The following PARVA variants were observed in gnomAD, a reference collection of about 807,000 sequenced individuals.
The protein encoded by PARVA is parvin alpha, also known as alpha-parvin.
Under a neutral mutation model 52.6 loss-of-function variants are expected in PARVA, and 25 were observed. The ratio of observed to expected loss-of-function variants is 0.48; its 90% CI spans 0.35 to 0.66. The LOEUF is 0.66. Ranked by LOEUF, PARVA falls within the 30% of genes least tolerant of loss-of-function variation. PARVA has a pLI of 0.01. For synonymous variants in PARVA, 185 were observed against 179.1 expected, an observed-to-expected ratio of 1.03 and a Z score of -0.26; for missense variants, 373 against 450.9, an observed-to-expected ratio of 0.83 and a Z score of 1.56.
intron 1 of PARVA, among the ~76,000 whole-genome samples, chr11:12,446,440 T>C (rs1056730555): frequency 6.6e-6 from 1 of 152,144 alleles, no homozygotes; most frequent in Admixed American, 6.5e-5. Context: ...TGTGATGATA[T>C]GCAAAAAAGA....
chr11:12,529,676 C>T lies in PARVA; in HGVS notation c.*1751C>T, dbSNP rs1941747695. The stretch of plus-strand genomic sequence containing the variant: ...TAATGTCCAAAACATTCCTTTCAGC[C>T]TTTTTATTTCTTACTGTACTGTCTC... On this transcript the variant is annotated 3_prime_UTR_variant, in exon 13 of 13. Transcript: ENST00000334956. 1 of 152,158 alleles carries T rather than the reference C, an allele frequency of 6.6e-6. No homozygotes were observed. Among genetic ancestry groups the T allele is most frequent in the Non-Finnish European group, 1.5e-5 (1 of 68,018 alleles). The allele number at this position is 152,158 out of a possible 1,614,324, so 9.4% of individuals were successfully genotyped here. A position where few individuals can be genotyped will look rare whatever the true frequency, so the allele number is the denominator to read the frequency against.
At chr11:12,388,218 C>T (rs931703549) in intron 1 of PARVA, among the ~76,000 whole-genome samples, 4 of 152,358 alleles carry the variant, frequency 2.6e-5, no homozygotes, top group African/African-American at 9.6e-5. Context: ...CAGTTAATTG[C>T]AGCTGCTTAA....
intron 12 of PARVA, among the ~76,000 whole-genome samples, chr11:12,526,387 C>G (rs1217310469): frequency 6.6e-6 from 1 of 152,138 alleles, no homozygotes; most frequent in Non-Finnish European, 1.5e-5. Flanking sequence ...TGTAATTTCT[C>G]CCATCTTTGA....
intron 1 of PARVA, among the ~76,000 whole-genome samples, chr11:12,465,611 A>G (rs769953273): frequency 6.6e-6 from 1 of 152,188 alleles, no homozygotes; most frequent in Non-Finnish European, 1.5e-5. Context: ...TATAATTAGA[A>G]TTGTATAGCA....
chr11:12,474,297 A>G lies in PARVA; in HGVS notation c.297+314A>G, dbSNP rs545833622. Among the ~76,000 whole-genome samples, 164 of 152,252 alleles carry G rather than the reference A, an allele frequency of 1.1e-3. 1 individual carries two copies. Among genetic ancestry groups the G allele is most frequent in the African/African-American group, 3.6e-3 (151 of 41,542 alleles). Reference sequence around the variant, plus strand: ...TTCTCAAGGACCCTCAAAAGCAGGCAGTGGAGCAGTAATTAGTCTCATCCC... The same window carrying G: ...TTCTCAAGGACCCTCAAAAGCAGGCGGTGGAGCAGTAATTAGTCTCATCCC... On this transcript the variant is annotated intron_variant, in intron 3 of 12. Transcript: ENST00000334956.
chr11:12,488,716 CA>C (rs1259775219), intron 4 of PARVA, among the ~76,000 whole-genome samples: 1 of 152,168 alleles, frequency 6.6e-6, no homozygotes, highest in African/African-American at 2.4e-5. Flanking sequence ...AACTCCTCAT[CA>C]AAAGTCTATA....
intron 4 of PARVA, among the ~76,000 whole-genome samples, chr11:12,484,808 CTTTTTTTTTTT>C (rs1177057401): frequency 9.7e-6 from 1 of 102,638 alleles, no homozygotes; most frequent in Non-Finnish European, 2.0e-5. Context: ...TTTTTGTTGA[CTTTTTTTTTTT>C]TTTTTTTTTT....
intron 1 of PARVA, among the ~76,000 whole-genome samples, chr11:12,421,151 T>C (rs1481979876): frequency 6.6e-6 from 1 of 151,858 alleles, no homozygotes; most frequent in East Asian, 1.9e-4. Flanking sequence ...GGTGGTGGGC[T>C]GGTAAGAGGG....
chr11:12,481,101 C>T (rs1941080585), intron 4 of PARVA, among the ~76,000 whole-genome samples: 1 of 152,012 alleles, frequency 6.6e-6, no homozygotes, highest in South Asian at 2.1e-4. Flanking sequence ...GGGAGAGATA[C>T]TTTGAGACCA....
chr11:12,477,804 CTCTTT>C lies in PARVA; in HGVS notation c.298-38_298-34del, dbSNP rs530699158. On this transcript the variant is annotated intron_variant, in intron 3 of 12. Coordinates refer to ENST00000334956, the MANE Select transcript of PARVA (RefSeq NM_018222.5). ...TGGTCTGTAAGAAAATACCCCATAACTCTTTTCTTACTATTGCACATTCCCTTTCT... is the reference window on the plus strand; with the variant it reads ...TGGTCTGTAAGAAAATACCCCATAACTCTTACTATTGCACATTCCCTTTCT... The C allele has an allele frequency of 2.2e-3, 2,251 of 1,022,914 alleles. 7 individuals carry two copies. The highest frequency in any genetic ancestry group is 3.1e-3 in the Non-Finnish European group (1,984 of 642,336). 63.4% of individuals were successfully genotyped at this position (1,022,914 alleles called of 1,614,324 possible). A position where few individuals can be genotyped will look rare whatever the true frequency, so the allele number is the denominator to read the frequency against.
chr11:12,394,414 A>G (rs1939705119), intron 1 of PARVA, among the ~76,000 whole-genome samples: 1 of 152,234 alleles, frequency 6.6e-6, no homozygotes, highest in Non-Finnish European at 1.5e-5. Context: ...TGATGATATT[A>G]AGGAATCATT....
intron 12 of PARVA, among the ~76,000 whole-genome samples, chr11:12,525,308 G>A (rs1050153538): frequency 1.3e-5 from 2 of 152,202 alleles, no homozygotes; most frequent in Non-Finnish European, 2.9e-5. Flanking sequence ...TGCCCTGGAA[G>A]TGTGAATGAT....
chr11:12,503,733 C>CAA (rs149797718), intron 5 of PARVA, among the ~76,000 whole-genome samples: 4,968 of 150,128 alleles, frequency 0.033, 178 homozygotes, highest in East Asian at 0.12. Context: ...GACCCTGCTT[C>CAA]AAAAAAAAAG....
chr11:12,484,773 A>G (rs1175675094), intron 4 of PARVA, among the ~76,000 whole-genome samples: 3 of 151,120 alleles, frequency 2.0e-5, no homozygotes, highest in African/African-American at 7.3e-5. Flanking sequence ...AGGTTTCAGG[A>G]AAGAGGGGGT....
Position 12,380,174 on chromosome 11 carries a change from G to A in PARVA, c.136+2391G>A, listed in dbSNP as rs777092996. Among the ~76,000 whole-genome samples the A allele has an allele frequency of 1.9e-4, 29 of 151,400 alleles. 1 individual carries two copies. Among genetic ancestry groups the A allele is most frequent in the South Asian group, 4.2e-4 (2 of 4,818 alleles). ...TCCTGTCTCTTTAGTTTCAGACAGG[G>A]TCCCTGCAGGAAAAAGAAGGCCAAT... On this transcript the variant is annotated intron_variant, in intron 1 of 12. Transcript: ENST00000334956.
chr11:12,459,537 C>T (rs774976393), intron 1 of PARVA, among the ~76,000 whole-genome samples: 26 of 152,280 alleles, frequency 1.7e-4, no homozygotes, highest in Non-Finnish European at 3.7e-4. Flanking sequence ...TGAGCACCCA[C>T]TCACCCTTCA....
intron 1 of PARVA, among the ~76,000 whole-genome samples, chr11:12,386,383 A>G (rs974737842): frequency 6.6e-6 from 1 of 152,138 alleles, no homozygotes; most frequent in Admixed American, 6.5e-5. Context: ...TCCGTTTCCT[A>G]TACAACCAAC....
chr11:12,516,502 C>T (rs1282036454), intron 10 of PARVA, among the ~76,000 whole-genome samples: 1 of 152,106 alleles, frequency 6.6e-6, no homozygotes, highest in Non-Finnish European at 1.5e-5. Flanking sequence ...AAGCAGAAGA[C>T]CAGCAGCCTC....
At position 12,528,909 on chromosome 11, in the gene PARVA, G is replaced by C. The variant is rs182981956; in HGVS notation, c.*984G>C. On this transcript the variant is annotated 3_prime_UTR_variant, in exon 13 of 13. Transcript: ENST00000334956. ...GAGTGGCACATTTTGCAGCCTTTTT[G>C]CTTGATTGCATGTAATGGAAATGCC... is the stretch of plus-strand genomic sequence containing the variant. The C allele has an allele frequency of 2.9e-4, 45 of 152,696 alleles. 1 individual carries two copies. The highest frequency in any genetic ancestry group is 2.3e-3 in the Admixed American group (35 of 15,296). 9.5% of individuals were successfully genotyped at this position (152,696 alleles called of 1,614,324 possible). A position where few individuals can be genotyped will look rare whatever the true frequency, so the allele number is the denominator to read the frequency against.
Sources: allele counts gnomAD v4.1 joint callset (sites outside exome capture counted in the v4.1 genomes callset), GRCh38; gene constraint gnomAD v4.1.1; transcripts MANE v1.5; gene names NCBI Gene and HGNC (gene_info 2026-07-23, HGNC 2026-07-21).